DLGAP2: variants seen among roughly 807,000 people sequenced by gnomAD.
The protein encoded by DLGAP2 is DLG associated protein 2.
In DLGAP2, 26 loss-of-function variants were observed where a neutral mutation model predicts 100.3. That is an observed-to-expected ratio of 0.26 (90% confidence interval 0.19 to 0.36). The LOEUF is 0.36. DLGAP2 is among the 10% of genes least tolerant of loss of function. The pLI is 1.00. For synonymous variants in DLGAP2, 886 were observed against 630.1 expected (o/e 1.41, Z -6.08); for missense variants, 1,858 against 1,453.2 (o/e 1.28, Z -4.53).
intron 2 of DLGAP2, among the ~76,000 whole-genome samples, chr8:1,005,950 G>A (rs945165000): frequency 6.6e-6 from 1 of 152,184 alleles, no homozygotes; most frequent in African/African-American, 2.4e-5. Flanking sequence ...GGTGGCTCAC[G>A]TCTGCTGAGG....
At chr8:1,589,486 G>C (rs1343429189) in intron 6 of DLGAP2, among the ~76,000 whole-genome samples, 1 of 152,178 alleles carries the variant, frequency 6.6e-6, no homozygotes, top group Non-Finnish European at 1.5e-5. Context: ...GCCCAGGCTG[G>C]AGTGCAGTGG....
rs78158723 is a variant in DLGAP2 at position 1,241,196 on chromosome 8, A to G, written c.74-17655A>G. Among the ~76,000 whole-genome samples, 63 of 14,802 alleles carry G rather than the reference A, an allele frequency of 4.3e-3. 2 individuals are homozygous for G. Among genetic ancestry groups the G allele is most frequent in the Admixed American group, 6.9e-3 (7 of 1,018 alleles). 9.7% of individuals were successfully genotyped at this position (14,802 alleles called of 152,430 possible). A position where few individuals can be genotyped will look rare whatever the true frequency, so the allele number is the denominator to read the frequency against. On this transcript the variant is annotated intron_variant, in intron 2 of 14. Transcript: ENST00000637795. Reference sequence around the variant, plus strand: ...GTGGCGCCGTGTCTCGTTCTCTCACATGGAGCCATGTCTAATTCTCTCACA... The same window carrying G: ...GTGGCGCCGTGTCTCGTTCTCTCACGTGGAGCCATGTCTAATTCTCTCACA...
chr8:926,677 T>G (rs1205567179), intron 2 of DLGAP2, among the ~76,000 whole-genome samples: 2 of 152,122 alleles, frequency 1.3e-5, no homozygotes, highest in Non-Finnish European at 2.9e-5. Context: ...GAAGGGGGTG[T>G]GCGGCAGCCG....
In DLGAP2 at chr8:1,098,798, A is replaced by G. The variant is rs193113889; in HGVS notation, c.74-160053A>G. Among the ~76,000 whole-genome samples, 699 of 95,442 alleles carry G rather than the reference A, an allele frequency of 7.3e-3. 19 individuals are homozygous for G. The highest frequency in any genetic ancestry group is 0.014 in the African/African-American group (387 of 27,548). 62.6% of individuals were successfully genotyped at this position (95,442 alleles called of 152,430 possible). On this transcript the variant is annotated intron_variant, in intron 2 of 14. Coordinates refer to ENST00000637795, the MANE Select transcript of DLGAP2 (RefSeq NM_001346810.2). ...ACGCCAGGCTCCCGGCCGCCCACGG[A>G]CGCCGCCACCCACTCCAGGCTCCCG...
intron 2 of DLGAP2, among the ~76,000 whole-genome samples, chr8:1,168,550 C>G (rs891645126): frequency 3.4e-5 from 5 of 146,804 alleles, no homozygotes; most frequent in Non-Finnish European, 7.5e-5. Flanking sequence ...CTGTTGTTTC[C>G]TGACTTTTTA....
chr8:1,146,339 G>A (rs183756963), intron 2 of DLGAP2, among the ~76,000 whole-genome samples: 12 of 152,280 alleles, frequency 7.9e-5, no homozygotes, highest in South Asian at 4.2e-4. Flanking sequence ...CTGTCTTTAC[G>A]GATTCCAGAT....
chr8:1,332,379 ATGTG>A (rs892670164), intron 3 of DLGAP2, among the ~76,000 whole-genome samples: 2 of 151,824 alleles, frequency 1.3e-5, no homozygotes, highest in African/African-American at 4.8e-5. Flanking sequence ...ATATCTGCAC[ATGTG>A]TGTTAGTGTG....
chr8:1,384,142 T>C (rs530238701), intron 3 of DLGAP2, among the ~76,000 whole-genome samples: 1 of 152,276 alleles, frequency 6.6e-6, no homozygotes, highest in Non-Finnish European at 1.5e-5. Context: ...AGGCCAGGTC[T>C]GTATTTTTTA....
intron 1 of DLGAP2, among the ~76,000 whole-genome samples, chr8:751,111 T>C (rs1409842596): frequency 1.1e-5 from 1 of 92,106 alleles, no homozygotes; most frequent in Non-Finnish European, 2.2e-5. Flanking sequence ...CCGGCCACCC[T>C]CTCACGGGAA....
Position 1,701,596 on chromosome 8 carries a change from T to G in DLGAP2, c.*190T>G, listed in dbSNP as rs1799573747. On this transcript the variant is annotated 3_prime_UTR_variant, in exon 15 of 15. Coordinates refer to ENST00000637795, the MANE Select transcript of DLGAP2 (RefSeq NM_001346810.2). The stretch of plus-strand genomic sequence containing the variant: ...CCACGGAGCTCGCGGCGAGGACGAC[T>G]TCTGCTTTTGTTGTTGTTGTTGTTG... 1 of 636,366 alleles carries G rather than the reference T, an allele frequency of 1.6e-6. No homozygotes were observed. Among genetic ancestry groups the G allele is most frequent in the Non-Finnish European group, 2.6e-6 (1 of 377,430 alleles). The allele number at this position is 636,366 out of a possible 1,614,324, so 39.4% of individuals were successfully genotyped here.
At chr8:919,978 C>G (rs972646282) in intron 2 of DLGAP2, among the ~76,000 whole-genome samples, 12 of 152,314 alleles carry the variant, frequency 7.9e-5, no homozygotes, top group African/African-American at 2.9e-4. Context: ...CCCCACTCAG[C>G]GATTCACTGG....
intron 2 of DLGAP2, among the ~76,000 whole-genome samples, chr8:911,878 G>A (rs1379049921): frequency 6.6e-6 from 1 of 152,208 alleles, no homozygotes; most frequent in East Asian, 1.9e-4. Context: ...ATCTAAGCAG[G>A]GAAAACTTTG....
At chr8:1,425,564 A>G (rs947765177) in intron 3 of DLGAP2, among the ~76,000 whole-genome samples, 1 of 152,150 alleles carries the variant, frequency 6.6e-6, no homozygotes, top group Non-Finnish European at 1.5e-5. Context: ...GTTCCTCTGG[A>G]TCCCTTGGAG....
At chr8:1,319,442 C>T (rs898400544) in intron 3 of DLGAP2, among the ~76,000 whole-genome samples, 1 of 152,218 alleles carries the variant, frequency 6.6e-6, no homozygotes, top group Admixed American at 6.5e-5. Context: ...CTCAGCCATC[C>T]TCTGTCTTCC....
chr8:1,441,936 G>T (rs1196430149), intron 3 of DLGAP2, among the ~76,000 whole-genome samples: 1 of 152,102 alleles, frequency 6.6e-6, no homozygotes, highest in South Asian at 2.1e-4. Context: ...GCCATGAAAA[G>T]GGACAAGATC....
intron 7 of DLGAP2, among the ~76,000 whole-genome samples, chr8:1,630,268 T>C (rs1212156347): frequency 6.6e-6 from 1 of 152,180 alleles, no homozygotes; most frequent in African/African-American, 2.4e-5. Context: ...CACTAATTGA[T>C]TGTCCAGCCC....
intron 2 of DLGAP2, among the ~76,000 whole-genome samples, chr8:1,196,716 G>A (rs572073129): frequency 2.0e-5 from 3 of 152,150 alleles, no homozygotes; most frequent in East Asian, 1.9e-4. Flanking sequence ...GCAGCCGCAC[G>A]TTGTCAGTGG....
intron 3 of DLGAP2, among the ~76,000 whole-genome samples, chr8:1,312,731 C>G (rs1444385375): frequency 3.9e-5 from 6 of 152,150 alleles, no homozygotes; most frequent in African/African-American, 7.2e-5. Context: ...TACCTTTTGA[C>G]TCAGTTAATT....
chr8:1,203,550 G>T (rs141768167), intron 2 of DLGAP2, among the ~76,000 whole-genome samples: 1 of 152,212 alleles, frequency 6.6e-6, no homozygotes, highest in Non-Finnish European at 1.5e-5. Context: ...GATGCTAAAG[G>T]TTCTCTTTTA....
Sources: allele counts gnomAD v4.1 joint callset (sites outside exome capture counted in the v4.1 genomes callset), GRCh38; gene constraint gnomAD v4.1.1; transcripts MANE v1.5; gene names NCBI Gene and HGNC (gene_info 2026-07-23, HGNC 2026-07-21).